CDH12: variants seen among roughly 807,000 people sequenced by gnomAD.
The protein encoded by CDH12 is cadherin-12.
In CDH12, 41 loss-of-function variants were observed where a neutral mutation model predicts 74.1. The ratio of observed to expected loss-of-function variants is 0.55; its 90% confidence interval spans 0.43 to 0.72. The LOEUF (loss-of-function observed/expected upper bound fraction) is 0.72, where lower values mean the gene tolerates loss of function less well. Ranked by LOEUF, CDH12 falls within the 30% of genes least tolerant of loss-of-function variation. The probability of loss-of-function intolerance (pLI) is 0.00; values close to 1 mark genes in which losing one functional copy is unlikely to be tolerated. For missense variants in CDH12, 945 were observed against 977.2 expected (o/e 0.97, Z 0.44); for synonymous variants, 399 against 355.0 (o/e 1.12, Z -1.39).
At chr5:21,761,613 G>A (rs1410110453) in intron 12 of CDH12, among the ~76,000 whole-genome samples, 5 of 152,100 alleles carry the variant, frequency 3.3e-5, no homozygotes, top group African/African-American at 1.2e-4. Flanking sequence ...ATCTTACACT[G>A]ATGCTATTAA....
intron 1 of CDH12, among the ~76,000 whole-genome samples, chr5:22,822,748 G>A (rs971312233): frequency 6.6e-6 from 1 of 152,138 alleles, no homozygotes; most frequent in Admixed American, 6.5e-5. Context: ...TGCTGGAGAG[G>A]ATGTGGAGAA....
chr5:22,564,693 T>G (rs1274026881), intron 1 of CDH12, among the ~76,000 whole-genome samples: 1 of 152,222 alleles, frequency 6.6e-6, no homozygotes, highest in Non-Finnish European at 1.5e-5. Context: ...GATACTCATC[T>G]TTGGACTTCT....
At chr5:22,397,472 T>G (rs1327870719) in intron 3 of CDH12, among the ~76,000 whole-genome samples, 1 of 149,016 alleles carries the variant, frequency 6.7e-6, no homozygotes, top group Non-Finnish European at 1.5e-5. Flanking sequence ...TTTTTTTTTT[T>G]CTTTTGGAAC....
chr5:21,845,326 A>C (rs1750106574), intron 7 of CDH12, among the ~76,000 whole-genome samples: 1 of 152,098 alleles, frequency 6.6e-6, no homozygotes, highest in Admixed American at 6.6e-5. Flanking sequence ...GAATTGTGAG[A>C]CTCCAACAAG....
chr5:22,129,483 G>T (rs975372562), intron 4 of CDH12, among the ~76,000 whole-genome samples: 1 of 151,746 alleles, frequency 6.6e-6, no homozygotes, highest in Non-Finnish European at 1.5e-5. Context: ...CAAGCTCTGG[G>T]CAAAATGATC....
chr5:22,097,252 T>C (rs1561106231), intron 4 of CDH12, among the ~76,000 whole-genome samples: 2 of 152,150 alleles, frequency 1.3e-5, no homozygotes, highest in African/African-American at 4.8e-5. Flanking sequence ...CCAGAGCCCC[T>C]GGAACTCTGG....
chr5:22,579,646 C>T (rs1390430891), intron 1 of CDH12, among the ~76,000 whole-genome samples: 11 of 151,882 alleles, frequency 7.2e-5, no homozygotes, highest in Admixed American at 7.2e-4. Flanking sequence ...TCATTGTTTT[C>T]AAATCAACCT....
rs1219600876 is a variant in CDH12 at position 22,505,324 on chromosome 5, G to C, written c.-482C>G. 1 of 984,816 alleles carries C rather than the reference G, an allele frequency of 1.0e-6. No individual in the cohort carries two copies. The highest frequency in any genetic ancestry group is 1.2e-6 in the Non-Finnish European group (1 of 829,620). 61.0% of individuals were successfully genotyped at this position (984,816 alleles called of 1,614,324 possible). A position where few individuals can be genotyped will look rare whatever the true frequency, so the allele number is the denominator to read the frequency against. On this transcript the variant is annotated 5_prime_UTR_variant, in exon 2 of 15. Transcript: ENST00000382254. The stretch of plus-strand genomic sequence containing the variant: ...CCCAACTGCTCCTGGGTTCCAGCTT[G>C]TCTATATTTCCCAAAAGAGCCAAGC...
At chr5:22,807,992 A>C (rs1748906581) in intron 1 of CDH12, among the ~76,000 whole-genome samples, 1 of 152,232 alleles carries the variant, frequency 6.6e-6, no homozygotes, top group African/African-American at 2.4e-5. Context: ...CTATGACATC[A>C]CTGGATTATA....
chr5:21,785,038 A>G (rs1052500848), intron 10 of CDH12, among the ~76,000 whole-genome samples: 5 of 151,924 alleles, frequency 3.3e-5, no homozygotes, highest in African/African-American at 4.8e-5. Flanking sequence ...TGCTCACTTC[A>G]TATTTGTGTC....
intron 1 of CDH12, among the ~76,000 whole-genome samples, chr5:22,716,429 CAT>C (rs34088028): frequency 0.44 from 66,414 of 151,656 alleles, 14,709 homozygotes; most frequent in East Asian, 0.56. Flanking sequence ...ACGTACTACT[CAT>C]GTGTTTGTGA....
intron 8 of CDH12, among the ~76,000 whole-genome samples, chr5:21,820,965 A>G (rs1040206402): frequency 2.0e-5 from 3 of 151,992 alleles, no homozygotes; most frequent in Non-Finnish European, 4.4e-5. Flanking sequence ...TATATTTACA[A>G]TTCATCAAAT....
chr5:22,599,005 A>G (rs898383490), intron 1 of CDH12, among the ~76,000 whole-genome samples: 43 of 152,150 alleles, frequency 2.8e-4, no homozygotes, highest in Non-Finnish European at 7.3e-5. Context: ...TTGCAGCCGT[A>G]TTGCATGCCT....
intron 6 of CDH12, among the ~76,000 whole-genome samples, chr5:21,889,009 A>C (rs1418883590): frequency 1.3e-5 from 2 of 152,110 alleles, no homozygotes; most frequent in Admixed American, 1.3e-4. Context: ...TTTCTAAAGA[A>C]AGACTAAATA....
At chr5:21,973,599 G>A (rs973351384) in intron 6 of CDH12, among the ~76,000 whole-genome samples, 13 of 152,266 alleles carry the variant, frequency 8.5e-5, no homozygotes, top group African/African-American at 3.1e-4. Context: ...ATGTGTGTGT[G>A]TTTGCTTTAA....
intron 3 of CDH12, among the ~76,000 whole-genome samples, chr5:22,342,667 C>G (rs567817039): frequency 6.9e-6 from 1 of 145,076 alleles, no homozygotes; most frequent in African/African-American, 2.6e-5. Context: ...CTTTCTCTTT[C>G]TTTCCTTTCC....
chr5:22,723,942 T>G (rs1468481977), intron 1 of CDH12, among the ~76,000 whole-genome samples: 1 of 151,926 alleles, frequency 6.6e-6, no homozygotes, highest in Non-Finnish European at 1.5e-5. Flanking sequence ...TGGAAACTCT[T>G]CTGCTGTCCT....
At chr5:22,204,176 G>GTT (rs1172824728) in intron 4 of CDH12, among the ~76,000 whole-genome samples, 3 of 139,654 alleles carry the variant, frequency 2.1e-5, no homozygotes, top group African/African-American at 8.2e-5. Flanking sequence ...TTTTTTTTTT[G>GTT]TTTTTTGTTT....
chr5:22,830,267 G>A (rs1205248258), intron 1 of CDH12, among the ~76,000 whole-genome samples: 2 of 151,964 alleles, frequency 1.3e-5, no homozygotes, highest in South Asian at 2.1e-4. Context: ...TTTGTTTAAT[G>A]TATTTCTAAT....
Sources: gnomAD v4.1 joint callset for allele counts (sites outside exome capture counted in the v4.1 genomes callset) on GRCh38, gnomAD v4.1.1 for gene constraint, MANE v1.5 for transcripts, NCBI Gene and HGNC (gene_info 2026-07-23, HGNC 2026-07-21) for gene names.